The following GALNT16 variants were observed in gnomAD, a reference collection of about 807,000 sequenced individuals.
The protein encoded by GALNT16 is UDP-GalNAc:polypeptide N-acetylgalactosaminyltransferase-like protein 1.
GALNT16 carries 40 observed loss-of-function variants against 76.1 expected under a neutral mutation model. The ratio of observed to expected loss-of-function variants is 0.53; its 90% CI spans 0.41 to 0.68. The LOEUF (loss-of-function observed/expected upper bound fraction) is 0.68, where lower values mean the gene tolerates loss of function less well. Ranked by LOEUF, GALNT16 falls within the 30% of genes least tolerant of loss-of-function variation. GALNT16 has a pLI of 0.00. For synonymous variants in GALNT16, 276 were observed against 285.2 expected, an observed-to-expected ratio of 0.97 and a Z score of 0.32; for missense variants, 621 against 731.9, an observed-to-expected ratio of 0.85 and a Z score of 1.75.
chr14:69,382,935 C>G, the GALNT16 span, among the ~76,000 whole-genome samples: 1 of 152,050 alleles, frequency 6.6e-6, no homozygotes, highest in East Asian at 1.9e-4. Context: ...AATCTTTTAA[C>G]CTATTGTTAT....
chr14:69,340,454 C>T (rs144014519), intron 11 of GALNT16, among the ~76,000 whole-genome samples: 16 of 151,716 alleles, frequency 1.1e-4, no homozygotes, highest in African/African-American at 3.6e-4. Flanking sequence ...CGATGCGTGG[C>T]GAATTCAAGT....
chr14:69,269,559 G>T (rs967218357), intron 1 of GALNT16, among the ~76,000 whole-genome samples: 2 of 149,738 alleles, frequency 1.3e-5, no homozygotes, highest in Admixed American at 6.7e-5. Flanking sequence ...TGTGAGGTTT[G>T]TGTGTATATA....
intron 1 of GALNT16, among the ~76,000 whole-genome samples, chr14:69,289,579 G>T (rs887621539): frequency 3.3e-5 from 5 of 152,144 alleles, no homozygotes; most frequent in African/African-American, 9.7e-5. Context: ...TACAAGGACT[G>T]CCCTGGCTTC....
chr14:69,337,027 G>C (rs1281616168), intron 9 of GALNT16, among the ~76,000 whole-genome samples: 1 of 152,192 alleles, frequency 6.6e-6, no homozygotes, highest in African/African-American at 2.4e-5. Context: ...GCACCTGGCT[G>C]ACATGCTACA....
At chr14:69,321,869 CT>C in intron 2 of GALNT16, among the ~76,000 whole-genome samples, 1 of 152,352 alleles carries the variant, frequency 6.6e-6, no homozygotes, top group East Asian at 1.9e-4. Context: ...GTGCCTGCAG[CT>C]GTGTGCTCAA....
the GALNT16 span, among the ~76,000 whole-genome samples, chr14:69,362,154 G>A: frequency 6.6e-6 from 1 of 152,250 alleles, no homozygotes; most frequent in African/African-American, 2.4e-5. Context: ...CTGGGGCTCG[G>A]GAGGGTGAGA....
chr14:69,322,988 GCAC>G (rs2045223858), intron 2 of GALNT16, among the ~76,000 whole-genome samples: 1 of 22,904 alleles, frequency 4.4e-5, no homozygotes, highest in African/African-American at 3.8e-4. Flanking sequence ...GTGTGCGCGC[GCAC>G]GCGCGCACGC....
chr14:69,371,280 G>C, the GALNT16 span, among the ~76,000 whole-genome samples: 8 of 151,930 alleles, frequency 5.3e-5, no homozygotes, highest in African/African-American at 1.7e-4. Context: ...TTGAGATGGA[G>C]TCTCACTCTG....
intron 1 of GALNT16, among the ~76,000 whole-genome samples, chr14:69,275,802 C>T (rs1472852679): frequency 6.6e-6 from 1 of 152,186 alleles, no homozygotes; most frequent in African/African-American, 2.4e-5. Flanking sequence ...CATGAGGCTG[C>T]AGTGAGCTAT....
At chr14:69,329,372 G>C (rs1231072298) in intron 6 of GALNT16, among the ~76,000 whole-genome samples, 1 of 152,100 alleles carries the variant, frequency 6.6e-6, no homozygotes, top group Non-Finnish European at 1.5e-5. Flanking sequence ...AAAAAAATTG[G>C]CAAAGGATTT....
intron 5 of GALNT16, among the ~76,000 whole-genome samples, chr14:69,327,380 A>G (rs1341111341): frequency 1.3e-5 from 2 of 152,146 alleles, no homozygotes; most frequent in African/African-American, 4.8e-5. Context: ...GAAAGAAAGA[A>G]AGACCAGTCA....
At chr14:69,300,433 T>C (rs1450188491) in intron 1 of GALNT16, among the ~76,000 whole-genome samples, 1 of 152,180 alleles carries the variant, frequency 6.6e-6, no homozygotes, top group Non-Finnish European at 1.5e-5. Context: ...CTGCCACCTC[T>C]AAGGCCACCT....
intron 6 of GALNT16, among the ~76,000 whole-genome samples, chr14:69,330,289 T>G (rs1414927415): frequency 6.6e-6 from 1 of 152,178 alleles, no homozygotes; most frequent in East Asian, 1.9e-4. Context: ...GGATGAACTT[T>G]GAAAACCTAC....
the GALNT16 span, among the ~76,000 whole-genome samples, chr14:69,369,312 T>C: frequency 6.6e-6 from 1 of 152,116 alleles, no homozygotes; most frequent in African/African-American, 2.4e-5. Context: ...AAGTAAATAT[T>C]TGTGGAAATG....
the GALNT16 span, among the ~76,000 whole-genome samples, chr14:69,363,477 C>T: frequency 6.6e-6 from 1 of 152,132 alleles, no homozygotes; most frequent in African/African-American, 2.4e-5. Context: ...GGTCCCCTCA[C>T]CAGCAAAGCA....
intron 1 of GALNT16, among the ~76,000 whole-genome samples, chr14:69,282,322 C>T (rs1420137816): frequency 6.6e-6 from 1 of 152,164 alleles, no homozygotes. Flanking sequence ...CCTCCATGCA[C>T]TGTGCTCCTT....
At chr14:69,375,943 A>T in the GALNT16 span, among the ~76,000 whole-genome samples, 15,615 of 152,048 alleles carry the variant, frequency 0.1, 1,010 homozygotes, top group South Asian at 0.18. Flanking sequence ...TTGGCCCTCA[A>T]ATAGACATCT....
chr14:69,351,837 A>C, intron 14 of GALNT16, 194 bp from the exon 15 acceptor site: 1 of 529,370 alleles, frequency 1.9e-6, no homozygotes, highest in East Asian at 3.3e-5. Flanking sequence ...GCTTGAACTC[A>C]GGAGTTCGAG....
chr14:69,347,242 GT>G, intron 13 of GALNT16, 61 bp downstream of exon 13: 2 of 1,463,970 alleles, frequency 1.4e-6, no homozygotes, highest in Non-Finnish European at 1.8e-6. Flanking sequence ...CAGGAGTGGG[GT>G]GAGGGACTTC....
Sources: allele counts gnomAD v4.1 joint callset (sites outside exome capture counted in the v4.1 genomes callset), GRCh38; gene constraint gnomAD v4.1.1; transcripts MANE v1.5; gene names NCBI Gene and HGNC (gene_info 2026-07-23, HGNC 2026-07-21).